Variants in FRMPD4 observed in about 807,000 individuals in gnomAD.
FRMPD4 encodes FERM and PDZ domain-containing protein 4.
FRMPD4 carries 22 observed loss-of-function variants against 94.1 expected under a neutral mutation model. The observed-to-expected ratio is 0.23, with a 90% CI of 0.17 to 0.33. The LOEUF (loss-of-function observed/expected upper bound fraction) is 0.33, where lower values mean the gene tolerates loss of function less well. FRMPD4 is among the 10% of genes least tolerant of loss of function. The probability of loss-of-function intolerance (pLI) is 1.00; values close to 1 mark genes in which losing one functional copy is unlikely to be tolerated. For missense variants in FRMPD4, 1,111 were observed against 1,339.9 expected, an observed-to-expected ratio of 0.83 and a Z score of 2.67; for synonymous variants, 631 against 548.6, an observed-to-expected ratio of 1.15 and a Z score of -2.10.
At chrX:12,040,591 G>A (rs1350679156) in intron 3 of FRMPD4, among the ~76,000 whole-genome samples, 51 of 77,648 alleles carry the variant, frequency 6.6e-4, no homozygotes, top group Non-Finnish European at 3.9e-4. Context: ...ATGGAGTCTC[G>A]CTCTGTCACC....
chrX:12,419,314 G>C lies in FRMPD4; in HGVS notation c.42-79366G>C, dbSNP rs1735935831. Among the ~76,000 whole-genome samples, 4 of 111,681 alleles carry C rather than the reference G, an allele frequency of 3.6e-5. No individual in the cohort carries two copies. In the Admixed American group the frequency reaches 3.8e-4, roughly 11 times the overall value. On this transcript the variant is annotated intron_variant, in intron 1 of 16. Coordinates refer to ENST00000675598, the MANE Select transcript of FRMPD4 (RefSeq NM_001368397.1). ...AACAGATTGAATCCAGAAGCCGATA[G>C]AAAAAACCCACTGTCATCTGTCGAG...
intron 1 of FRMPD4, among the ~76,000 whole-genome samples, chrX:12,323,253 G>C (rs148463437): frequency 7.4e-4 from 83 of 111,967 alleles, no homozygotes; most frequent in Middle Eastern, 4.6e-3. Flanking sequence ...AACTATACCA[G>C]ACAAGTGTGA....
chrX:12,543,603 A>G (rs1426621123), intron 2 of FRMPD4, among the ~76,000 whole-genome samples: 1 of 112,050 alleles, frequency 8.9e-6, no homozygotes, highest in East Asian at 2.8e-4. Flanking sequence ...GCTGGAGAGG[A>G]TGTAGAGAAA....
At chrX:12,364,442 G>A (rs1601861286) in intron 1 of FRMPD4, among the ~76,000 whole-genome samples, 1 of 111,257 alleles carries the variant, frequency 9.0e-6, no homozygotes, top group African/African-American at 3.3e-5. Context: ...GGCCTGCTCT[G>A]GGGCAAAGCA....
At chrX:12,484,214 T>C (rs143663546) in intron 1 of FRMPD4, among the ~76,000 whole-genome samples, 19 of 112,522 alleles carry the variant, frequency 1.7e-4, no homozygotes, top group Non-Finnish European at 3.0e-4. Flanking sequence ...AAAAAATTAA[T>C]TGCTTACAAA....
At chrX:12,376,927 C>A (rs1345550122) in intron 1 of FRMPD4, among the ~76,000 whole-genome samples, 1 of 112,202 alleles carries the variant, frequency 8.9e-6, no homozygotes, top group Non-Finnish European at 1.9e-5. Flanking sequence ...CAAAGAAATA[C>A]TTCTGCCAAA....
chrX:12,632,487 C>A (rs1175576503), intron 4 of FRMPD4, among the ~76,000 whole-genome samples: 1 of 112,298 alleles, frequency 8.9e-6, no homozygotes, highest in African/African-American at 3.2e-5. Flanking sequence ...AGCTTTACAG[C>A]TTAAATATAC....
chrX:12,470,513 A>G (rs2057498823), intron 1 of FRMPD4, among the ~76,000 whole-genome samples: 1 of 112,065 alleles, frequency 8.9e-6, no homozygotes. Flanking sequence ...GATAGCTATG[A>G]TGTTTTTCTT....
At chrX:12,078,754 G>A (rs113785463) in intron 3 of FRMPD4, among the ~76,000 whole-genome samples, 13 of 111,338 alleles carry the variant, frequency 1.2e-4, no homozygotes, top group East Asian at 2.8e-4. Context: ...ACTACCCTGC[G>A]CATTGTAGGA....
chrX:12,606,825 A>T (rs1330203227), intron 2 of FRMPD4, among the ~76,000 whole-genome samples: 4 of 111,165 alleles, frequency 3.6e-5, no homozygotes, highest in Non-Finnish European at 7.5e-5. Flanking sequence ...ATCTGGAGGT[A>T]AAAGGACAGA....
At chrX:12,538,099 C>T (rs2058361039) in intron 2 of FRMPD4, among the ~76,000 whole-genome samples, 1 of 111,539 alleles carries the variant, frequency 9.0e-6, no homozygotes, top group Admixed American at 9.5e-5. Flanking sequence ...CTATGGCAGA[C>T]AGCACCTGGA....
At chrX:12,506,769 A>C (rs1007073361) in intron 2 of FRMPD4, among the ~76,000 whole-genome samples, 3 of 112,607 alleles carry the variant, frequency 2.7e-5, no homozygotes, top group Non-Finnish European at 5.6e-5. Context: ...CTTTCATTCT[A>C]ATCAGAACAG....
chrX:12,490,625 C>T (rs1874036), intron 1 of FRMPD4, among the ~76,000 whole-genome samples: 47,707 of 110,190 alleles, frequency 0.43, 8,498 homozygotes, highest in East Asian at 0.62. Context: ...ACAGGATGGT[C>T]GGTATTAGTC....
intron 3 of FRMPD4, among the ~76,000 whole-genome samples, chrX:12,059,205 A>G (rs1405577619): frequency 1.8e-5 from 2 of 111,905 alleles, no homozygotes; most frequent in East Asian, 2.8e-4. Context: ...CTAATGTTAG[A>G]TCTAAATCCT....
intron 1 of FRMPD4, among the ~76,000 whole-genome samples, chrX:12,220,648 C>T (rs956203005): frequency 1.8e-5 from 2 of 111,621 alleles, no homozygotes; most frequent in Admixed American, 9.5e-5. Context: ...TTCCTGTGTT[C>T]CCAGGAAATG....
At chrX:12,153,555 G>A (rs1312778416) in intron 1 of FRMPD4, among the ~76,000 whole-genome samples, 2 of 112,089 alleles carry the variant, frequency 1.8e-5, no homozygotes, top group Non-Finnish European at 3.8e-5. Context: ...CTTTCATTCC[G>A]ATGTGGTCAT....
intron 3 of FRMPD4, among the ~76,000 whole-genome samples, chrX:12,080,698 A>G (rs2055055141): frequency 8.9e-6 from 1 of 112,399 alleles, no homozygotes; most frequent in Admixed American, 9.4e-5. Context: ...CTAGGGTTCT[A>G]GAAATTATGT....
At chrX:12,578,676 C>T (rs1009861149) in intron 2 of FRMPD4, among the ~76,000 whole-genome samples, 9 of 111,841 alleles carry the variant, frequency 8.0e-5, no homozygotes, top group Non-Finnish European at 1.3e-4. Context: ...TAATTGCACT[C>T]GCTAACATTT....
intron 14 of FRMPD4, 68 bp from the exon 15 acceptor site, chrX:12,716,001 T>TAC: frequency 8.6e-6 from 2 of 231,656 alleles, no homozygotes; most frequent in East Asian, 8.5e-5. Flanking sequence ...GAGACGAGCC[T>TAC]CCCACCCCCG....
Sources: gnomAD v4.1 joint callset for allele counts (sites outside exome capture counted in the v4.1 genomes callset) on GRCh38, gnomAD v4.1.1 for gene constraint, MANE v1.5 for transcripts, NCBI Gene and HGNC (gene_info 2026-07-23, HGNC 2026-07-21) for gene names.